The following ERBB4 variants were observed in gnomAD, a reference collection of about 807,000 sequenced individuals.
ERBB4 encodes receptor tyrosine-protein kinase erbB-4.
In ERBB4, 42 loss-of-function variants were observed where a neutral mutation model predicts 158.0. That is an observed-to-expected ratio of 0.27 (90% CI 0.21 to 0.34). The LOEUF is 0.34. Among genes scored for constraint, ERBB4 ranks in the 10% least tolerant of loss-of-function variants. The pLI is 1.00. For synonymous variants in ERBB4, 583 were observed against 558.7 expected (o/e 1.04, Z -0.61); for missense variants, 1,333 against 1,624.1 (o/e 0.82, Z 3.08).
At chr2:211,690,875 T>C (rs2072788697) in intron 12 of ERBB4, among the ~76,000 whole-genome samples, 1 of 152,160 alleles carries the variant, frequency 6.6e-6, no homozygotes, top group South Asian at 2.1e-4. Context: ...AACCTTTAAC[T>C]TCTTCTGTGT....
intron 19 of ERBB4, among the ~76,000 whole-genome samples, chr2:211,611,508 T>C (rs2069199777): frequency 6.8e-6 from 1 of 146,780 alleles, no homozygotes; most frequent in Admixed American, 6.6e-5. Flanking sequence ...GCTGTAACAC[T>C]TGCTGCTGTG....
intron 3 of ERBB4, among the ~76,000 whole-genome samples, chr2:211,800,657 G>A (rs2076478588): frequency 8.9e-6 from 1 of 112,610 alleles, no homozygotes; most frequent in Non-Finnish European, 1.7e-5. Flanking sequence ...AAAACTGTGC[G>A]TTAAAAAAAA....
intron 4 of ERBB4, among the ~76,000 whole-genome samples, chr2:211,775,568 C>T (rs1322694032): frequency 6.6e-6 from 1 of 152,164 alleles, no homozygotes; most frequent in South Asian, 2.1e-4. Flanking sequence ...AAGCCAGATG[C>T]TTTGGGTTAA....
At chr2:211,948,786 AC>A (rs1260998223) in intron 2 of ERBB4, among the ~76,000 whole-genome samples, 1 of 151,884 alleles carries the variant, frequency 6.6e-6, no homozygotes, top group African/African-American at 2.4e-5. Flanking sequence ...ACTTCCCCCC[AC>A]CCTGTCTATT....
chr2:212,295,648 T>C (rs1308599173), intron 1 of ERBB4, among the ~76,000 whole-genome samples: 3 of 152,094 alleles, frequency 2.0e-5, no homozygotes, highest in African/African-American at 7.2e-5. Flanking sequence ...AGTTCTATGG[T>C]ATTGTACCAG....
At chr2:212,252,228 T>A (rs1287085822) in intron 1 of ERBB4, among the ~76,000 whole-genome samples, 1 of 152,016 alleles carries the variant, frequency 6.6e-6, no homozygotes. Flanking sequence ...TGGATATGAC[T>A]GTAGATAGAA....
intron 1 of ERBB4, among the ~76,000 whole-genome samples, chr2:212,248,384 A>G (rs1406337328): frequency 6.6e-6 from 1 of 152,130 alleles, no homozygotes; most frequent in Admixed American, 6.6e-5. Flanking sequence ...GACAACAGGT[A>G]AGTGTTCTTG....
chr2:211,845,939 T>C (rs770032008), intron 3 of ERBB4, among the ~76,000 whole-genome samples: 4 of 152,120 alleles, frequency 2.6e-5, no homozygotes. Context: ...TTAATCTTTA[T>C]GTATTCCCTG....
intron 1 of ERBB4, among the ~76,000 whole-genome samples, chr2:212,221,753 A>G (rs1168971186): frequency 6.6e-6 from 1 of 151,462 alleles, no homozygotes; most frequent in Non-Finnish European, 1.5e-5. Flanking sequence ...CTTCTGTAGG[A>G]GAGTCTCATA....
chr2:211,857,134 ACT>A (rs1409406885), intron 3 of ERBB4, among the ~76,000 whole-genome samples: 1 of 146,714 alleles, frequency 6.8e-6, no homozygotes, highest in Non-Finnish European at 1.5e-5. Context: ...TGTTCCTCTG[ACT>A]CTGTGTATAT....
chr2:212,153,945 G>T (rs933615533), intron 1 of ERBB4, among the ~76,000 whole-genome samples: 1 of 151,900 alleles, frequency 6.6e-6, no homozygotes, highest in Non-Finnish European at 1.5e-5. Context: ...GGTTAAGTAC[G>T]TATGGAAAAT....
At position 212,432,824 on chromosome 2, in the gene ERBB4, C is replaced by T. The variant is rs570652003; in HGVS notation, c.82+105625G>A. Among the ~76,000 whole-genome samples the T allele has an allele frequency of 1.4e-4, 21 of 152,222 alleles. No homozygotes were observed. In the South Asian group the frequency reaches 4.4e-3, roughly 32 times the overall value. Reference sequence around the variant, plus strand: ...AGTTTGCCCATTCACTGAAGAATCACTCATGTAATTAACTTGCCTCATCTC... The same window carrying T: ...AGTTTGCCCATTCACTGAAGAATCATTCATGTAATTAACTTGCCTCATCTC... On this transcript the variant is annotated intron_variant, in intron 1 of 27. Transcript: ENST00000342788.
intron 1 of ERBB4, among the ~76,000 whole-genome samples, chr2:212,230,004 G>T (rs73062447): frequency 6.6e-6 from 1 of 152,160 alleles, no homozygotes; most frequent in African/African-American, 2.4e-5. Context: ...GGCTACAACC[G>T]CCAGGTGCGG....
intron 1 of ERBB4, among the ~76,000 whole-genome samples, chr2:212,319,494 T>C (rs1270542770): frequency 6.6e-6 from 1 of 150,594 alleles, no homozygotes; most frequent in Non-Finnish European, 1.5e-5. Flanking sequence ...CAGTTTAATA[T>C]GTAACCTTTC....
At chr2:212,283,725 T>C (rs2085847928) in intron 1 of ERBB4, among the ~76,000 whole-genome samples, 1 of 152,036 alleles carries the variant, frequency 6.6e-6, no homozygotes. Context: ...ATCAAAATGG[T>C]TTCCTAGCTA....
chr2:212,400,713 T>G (rs2091178038), intron 1 of ERBB4, among the ~76,000 whole-genome samples: 1 of 152,092 alleles, frequency 6.6e-6, no homozygotes, highest in Non-Finnish European at 1.5e-5. Flanking sequence ...GAAATGAAAT[T>G]TTATAAATCC....
chr2:212,461,650 C>G (rs1481875952), intron 1 of ERBB4, among the ~76,000 whole-genome samples: 1 of 151,970 alleles, frequency 6.6e-6, no homozygotes, highest in Admixed American at 6.6e-5. Context: ...CTTTGGGGGA[C>G]TGTTGGGGAG....
chr2:211,397,544 A>C (rs936862726), intron 25 of ERBB4, among the ~76,000 whole-genome samples: 6 of 152,138 alleles, frequency 3.9e-5, no homozygotes, highest in Non-Finnish European at 8.8e-5. Flanking sequence ...GCTAGTTACT[A>C]ACAGGCCTAA....
chr2:211,971,131 T>C (rs1192469046), intron 2 of ERBB4, among the ~76,000 whole-genome samples: 2 of 152,228 alleles, frequency 1.3e-5, no homozygotes, highest in Non-Finnish European at 2.9e-5. Flanking sequence ...CTTTTGCTTA[T>C]GAAGCTTAGT....
Sources: allele counts gnomAD v4.1 joint callset (sites outside exome capture counted in the v4.1 genomes callset), GRCh38; gene constraint gnomAD v4.1.1; transcripts MANE v1.5; gene names NCBI Gene and HGNC (gene_info 2026-07-23, HGNC 2026-07-21).